Variants in SYNE3 observed in about 807,000 individuals in gnomAD.
SYNE3 encodes nesprin-3.
A neutral mutation model predicts 111.2 loss-of-function variants in SYNE3; 100 were observed. The observed-to-expected ratio is 0.90, with a 90% CI of 0.77 to 1.06. SYNE3 has a LOEUF of 1.06. Ranked by LOEUF, SYNE3 falls within the 50% of genes least tolerant of loss-of-function variation. SYNE3 has a pLI of 0.00. For synonymous variants in SYNE3, 547 were observed against 533.9 expected (o/e 1.02, Z -0.34); for missense variants, 1,160 against 1,240.3 (o/e 0.94, Z 0.97).
At chr14:95,498,802 CA>C (rs1433976387) in intron 1 of SYNE3, among the ~76,000 whole-genome samples, 13 of 152,264 alleles carry the variant, frequency 8.5e-5, no homozygotes, top group African/African-American at 3.1e-4. Context: ...GCCCTCAACA[CA>C]AATAAGCCAC....
At chr14:95,507,504 G>A (rs1890571265) in intron 1 of SYNE3, among the ~76,000 whole-genome samples, 1 of 152,202 alleles carries the variant, frequency 6.6e-6, no homozygotes, top group Admixed American at 6.5e-5. Flanking sequence ...GCTCAAAGGA[G>A]CACATTAGGA....
chr14:95,452,352 G>A lies in SYNE3; in HGVS notation c.1169C>T (p.Pro390Leu). 1.2e-6 allele frequency: 2 copies of A among 1,613,176 alleles called. No homozygotes were observed. The highest frequency in any genetic ancestry group is 1.7e-6 in the Non-Finnish European group (2 of 1,179,824). The change falls in exon 7 of 18, where the codon CCC (proline) becomes CTC (leucine). Residue 390 changes from proline (P) to leucine (L), a missense_variant. Physicochemically the swap from Pro to Leu is moderately conservative, Grantham distance 98. Coordinates refer to ENST00000682763, the MANE Select transcript of SYNE3 (RefSeq NM_152592.6). Reference protein sequence around the residue: ...ATRAALASEEPRVDRLQAQLK... With the variant: ...ATRAALASEELRVDRLQAQLK... ...CTGGGCTTGCAGCCGGTCCACCCGG[G>A]GCTCCTCCGAGGCCAGCGCCGCCCG...
intron 1 of SYNE3, among the ~76,000 whole-genome samples, chr14:95,498,444 C>G (rs1203934204): frequency 6.6e-6 from 1 of 152,218 alleles, no homozygotes; most frequent in East Asian, 1.9e-4. Context: ...GTCTCGAACT[C>G]CTGACCTCAG....
chr14:95,414,496 T>A lies in SYNE3; in HGVS notation c.*3330A>T, dbSNP rs1903514095. 6.6e-6 allele frequency: 1 copy of A among 152,266 alleles called. No individual in the cohort carries two copies. The highest frequency in any genetic ancestry group is 1.5e-5 in the Non-Finnish European group (1 of 68,088). The allele number at this position is 152,266 out of a possible 1,614,324, so 9.4% of individuals were successfully genotyped here. A position where few individuals can be genotyped will look rare whatever the true frequency, so the allele number is the denominator to read the frequency against. Reference sequence around the variant, plus strand: ...CCTCGCCTCGTCTGCTGTCAGTACCTGCCCATCCCTCCCGCTCCCAGCTTT... The same window carrying A: ...CCTCGCCTCGTCTGCTGTCAGTACCAGCCCATCCCTCCCGCTCCCAGCTTT... On this transcript the variant is annotated 3_prime_UTR_variant, in exon 18 of 18. Transcript: ENST00000682763.
At position 95,444,503 on chromosome 14, in the gene SYNE3, G is replaced by A. The variant is rs745499291; in HGVS notation, c.1758C>T (p.Ala586=). 6.8e-6 allele frequency: 11 copies of A among 1,612,116 alleles called. No individual in the cohort carries two copies. Among genetic ancestry groups the A allele is most frequent in the Non-Finnish European group, 9.3e-6 (11 of 1,179,112 alleles). ...GLQRDLPGKQ[A]QLSRLQGLQE... ...CCCTCACCTGCAACCTTGAGAGCTGGGCCTGTTTTCCAGGAAGGTCCCGCT... is the reference window on the plus strand; with the variant it reads ...CCCTCACCTGCAACCTTGAGAGCTGAGCCTGTTTTCCAGGAAGGTCCCGCT... Residue 586 remains alanine (A), a synonymous_variant, in exon 10 of 18, where the codon GCC becomes GCT. Transcript: ENST00000682763.
intron 1 of SYNE3, among the ~76,000 whole-genome samples, chr14:95,498,020 C>T (rs1334050945): frequency 2.8e-5 from 4 of 143,990 alleles, no homozygotes; most frequent in Non-Finnish European, 6.0e-5. Context: ...AGGACAAGAT[C>T]CCAACTCTTA....
In SYNE3 at chr14:95,438,891, G is replaced by A. The variant is rs116498667; in HGVS notation, c.2376+142C>T. On this transcript the variant is annotated intron_variant, in intron 14 of 17. Coordinates refer to ENST00000682763, the MANE Select transcript of SYNE3 (RefSeq NM_152592.6). ...TGCTCTTTGGCCACAGCTGGGGCAG[G>A]CTCAAATGAGACAGGACGTGGCCAA... The A allele has an allele frequency of 1.9e-3, 2,261 of 1,180,834 alleles. 35 individuals are homozygous for A. In the African/African-American group the frequency reaches 0.031, roughly 16 times the overall value. 73.1% of individuals were successfully genotyped at this position (1,180,834 alleles called of 1,614,324 possible). A position where few individuals can be genotyped will look rare whatever the true frequency, so the allele number is the denominator to read the frequency against.
intron 1 of SYNE3, among the ~76,000 whole-genome samples, chr14:95,479,224 C>CAA (rs71132351): frequency 0.018 from 1,578 of 86,234 alleles, 50 homozygotes; most frequent in South Asian, 0.031. Context: ...TCGTCTCTAC[C>CAA]AAAAAAAAAA....
rs747975370 is a variant in SYNE3, at chr14:95,436,896, T to C, written c.2462A>G (p.Asn821Ser). ...TGCGATGATTCTAACCAGCTTGGAGTTTTCCACCTGCAACCACTGCCCAAA... is the reference window on the plus strand; with the variant it reads ...TGCGATGATTCTAACCAGCTTGGAGCTTTCCACCTGCAACCACTGCCCAAA... ...RNFGQWLQVE[N>S]SKLVRIIAMR... The change falls in exon 15 of 18, where the codon AAC (asparagine) becomes AGC (serine). Residue 821 changes from asparagine (N) to serine (S), a missense_variant. By Grantham distance (46) the Asn-to-Ser change is conservative. Transcript: ENST00000682763. 3 of 1,613,748 alleles carry C rather than the reference T, an allele frequency of 1.9e-6. No individual in the cohort carries two copies.
chr14:95,435,133 A>C (rs980519663), intron 15 of SYNE3, among the ~76,000 whole-genome samples: 3 of 152,216 alleles, frequency 2.0e-5, no homozygotes, highest in African/African-American at 7.2e-5. Context: ...GTAAAAAGCT[A>C]TGTTTACTAT....
intron 2 of SYNE3, 102 bp from the exon 3 acceptor site, chr14:95,468,069 C>T: frequency 3.7e-6 from 5 of 1,356,710 alleles, no homozygotes; most frequent in Non-Finnish European, 4.9e-6. Flanking sequence ...ACTCGAAGGC[C>T]AGAGGATCTG....
chr14:95,439,893 G>A (rs1437179019), intron 12 of SYNE3, 21 bp downstream of exon 12: 10 of 1,604,854 alleles, frequency 6.2e-6, no homozygotes, highest in East Asian at 2.2e-5. Flanking sequence ...TGGGAAGTGG[G>A]TGAGGGAACC....
At position 95,473,663 on chromosome 14, in the gene SYNE3, G is replaced by A. The variant is rs114717302; in HGVS notation, c.144+2015C>T. 7.9e-3 allele frequency among the ~76,000 whole-genome samples: 1,192 copies of A among 151,556 alleles called. 13 individuals are homozygous for A. Among genetic ancestry groups the A allele is most frequent in the African/African-American group, 0.027 (1,115 of 41,174 alleles). ...CTGGAGCTAAGGCCGGTGTAAGCTTGGGAGGTGTGACAGTGGCTGGAGCTA... is the reference window on the plus strand; with the variant it reads ...CTGGAGCTAAGGCCGGTGTAAGCTTAGGAGGTGTGACAGTGGCTGGAGCTA... On this transcript the variant is annotated intron_variant, in intron 2 of 17. Transcript: ENST00000682763.
intron 1 of SYNE3, among the ~76,000 whole-genome samples, chr14:95,488,014 T>G: frequency 6.6e-6 from 1 of 152,128 alleles, no homozygotes; most frequent in Non-Finnish European, 1.5e-5. Flanking sequence ...AGTAAATACA[T>G]TTTCTCTTTC....
chr14:95,499,856 C>CTTTTTTTTTTTT lies in SYNE3; in HGVS notation c.-15+16728_-15+16739dup, dbSNP rs10547044. Among the ~76,000 whole-genome samples, 105 of 90,044 alleles carry CTTTTTTTTTTTT rather than the reference C, an allele frequency of 1.2e-3. 8 individuals are homozygous for CTTTTTTTTTTTT. Among genetic ancestry groups the CTTTTTTTTTTTT allele is most frequent in the South Asian group, 1.7e-3 (4 of 2,372 alleles). 59.1% of individuals were successfully genotyped at this position (90,044 alleles called of 152,430 possible). A position where few individuals can be genotyped will look rare whatever the true frequency, so the allele number is the denominator to read the frequency against. On this transcript the variant is annotated intron_variant, in intron 1 of 17. Coordinates refer to ENST00000682763, the MANE Select transcript of SYNE3 (RefSeq NM_152592.6). ...AATCCCCTGTATCACTAACTCTTGTCTTTTTTTTTTTTTTTTTTTTGAGAT... is the reference window on the plus strand; with the variant it reads ...AATCCCCTGTATCACTAACTCTTGTCTTTTTTTTTTTTTTTTTTTTTTTTTTTTTTTTGAGAT...
At chr14:95,489,090 C>G (rs1889706796) in intron 1 of SYNE3, among the ~76,000 whole-genome samples, 1 of 152,206 alleles carries the variant, frequency 6.6e-6, no homozygotes, top group Non-Finnish European at 1.5e-5. Flanking sequence ...AGACACTTGG[C>G]CAACAGGGAC....
intron 8 of SYNE3, among the ~76,000 whole-genome samples, chr14:95,446,570 C>G (rs1886733744): frequency 1.3e-5 from 2 of 152,118 alleles, no homozygotes; most frequent in Admixed American, 1.3e-4. Flanking sequence ...TGGACACACC[C>G]CCCAGCGCTA....
At chr14:95,511,239 C>T (rs530156700) in intron 1 of SYNE3, among the ~76,000 whole-genome samples, 10 of 152,214 alleles carry the variant, frequency 6.6e-5, no homozygotes, top group African/African-American at 9.6e-5. Flanking sequence ...AGTACGCCTG[C>T]AAAAAATAGG....
chr14:95,437,560 T>G (rs1469975915), intron 14 of SYNE3, among the ~76,000 whole-genome samples: 1 of 152,232 alleles, frequency 6.6e-6, no homozygotes, highest in Admixed American at 6.5e-5. Context: ...AAAATTCAGC[T>G]GAGATGTCTT....
Sources: gnomAD v4.1 joint callset for allele counts (sites outside exome capture counted in the v4.1 genomes callset) on GRCh38, gnomAD v4.1.1 for gene constraint, MANE v1.5 for transcripts, NCBI Gene and HGNC (gene_info 2026-07-23, HGNC 2026-07-21) for gene names.